Variants in IL12RB1 observed in about 807,000 individuals in gnomAD.
The protein encoded by IL12RB1 is interleukin 12 receptor subunit beta 1, also known as interleukin-12 receptor subunit beta-1.
In IL12RB1, 64 loss-of-function variants were observed where a neutral mutation model predicts 94.4. The ratio of observed to expected loss-of-function variants is 0.68; its 90% CI spans 0.55 to 0.83. The LOEUF is 0.83. Ranked by LOEUF, IL12RB1 falls within the 40% of genes least tolerant of loss-of-function variation. The probability of loss-of-function intolerance (pLI) is 0.00; values close to 1 mark genes in which losing one functional copy is unlikely to be tolerated. For missense variants in IL12RB1, 814 were observed against 855.6 expected, an observed-to-expected ratio of 0.95 and a Z score of 0.61; for synonymous variants, 362 against 355.5, an observed-to-expected ratio of 1.02 and a Z score of -0.21.
chr19:18,083,491 G>A lies in IL12RB1; in HGVS notation c.65C>T (p.Ala22Val). 2 of 1,613,782 alleles carry A rather than the reference G, an allele frequency of 1.2e-6. No individual in the cohort carries two copies. Among genetic ancestry groups the A allele is most frequent in the South Asian group, 2.2e-5 (2 of 91,076 alleles). ...ACAGCACTCACTGGTTCTGCAGGCA[G>A]CTGCAAAGGCAATGAAGACATAATG... ...LFLFLLSRQG[A>V]ACRTSECCFQ... Residue 22 changes from alanine (A) to valine (V), a missense_variant and splice_region_variant, in exon 2 of 17, where the codon GCT becomes GTT. Physicochemically the swap from Ala to Val is moderately conservative, Grantham distance 64. Transcript: ENST00000593993.
upstream of IL12RB1, among the ~76,000 whole-genome samples, chr19:18,088,388 A>AATATATATATATATATAT (rs372635550): frequency 9.2e-6 from 1 of 108,516 alleles, no homozygotes; most frequent in African/African-American, 3.5e-5. Context: ...TCCATCTCAA[A>AATATATATATATATATAT]ATATATATAT....
At chr19:18,095,203 T>A (rs2036834535) in intron 1 of IL12RB1, among the ~76,000 whole-genome samples, 1 of 151,868 alleles carries the variant, frequency 6.6e-6, no homozygotes, top group South Asian at 2.1e-4. Context: ...AAGAAATAAA[T>A]CTATGCAAAA....
intron 1 of IL12RB1, among the ~76,000 whole-genome samples, chr19:18,083,908 CACCCATCT>C: frequency 6.6e-6 from 1 of 151,264 alleles, no homozygotes; most frequent in African/African-American, 2.4e-5. Flanking sequence ...TTCATCCATC[CACCCATCT>C]ATCCATCCAT....
intron 1 of IL12RB1, among the ~76,000 whole-genome samples, chr19:18,094,530 G>A (rs900556717): frequency 2.9e-4 from 44 of 152,316 alleles, no homozygotes; most frequent in African/African-American, 9.6e-4. Flanking sequence ...TTAACTGGGT[G>A]TTTGCTTTGG....
At position 18,059,542 on chromosome 19, in the gene IL12RB1, A is replaced by C. The variant is rs982256803; in HGVS notation, c.*66T>G. 7.8e-6 allele frequency: 6 copies of C among 772,086 alleles called. No homozygotes were observed. In the African/African-American group the frequency reaches 1.0e-4, roughly 13 times the overall value. 47.8% of individuals were successfully genotyped at this position (772,086 alleles called of 1,614,324 possible). On this transcript the variant is annotated 3_prime_UTR_variant, in exon 17 of 17. Transcript: ENST00000593993. ...GAGGAGCTCTGGGTTATTTGGGTCC[A>C]AATGTGACTCCTGTGTGTGCTACGT...
upstream of IL12RB1, chr19:18,087,051 G>A: frequency 1.2e-6 from 1 of 852,062 alleles, no homozygotes; most frequent in East Asian, 2.7e-5. Flanking sequence ...GGCGGCCACA[G>A]ACTCTGGAGC....
At chr19:18,097,826 C>T in intron 1 of IL12RB1, 1 of 1,228,418 alleles carries the variant, frequency 8.1e-7, no homozygotes, top group Non-Finnish European at 1.0e-6. Flanking sequence ...GCGCCGCGGG[C>T]TCCAGGTGAG....
intron 16 of IL12RB1, 31 bp downstream of exon 16, chr19:18,059,863 C>A (rs776461067): frequency 7.4e-7 from 1 of 1,351,356 alleles, no homozygotes; most frequent in Non-Finnish European, 1.0e-6. Flanking sequence ...GGGTTGCACC[C>A]CTGACCGTCT....
intron 12 of IL12RB1, 104 bp downstream of exon 12, chr19:18,066,438 G>A (rs2034586396): frequency 1.3e-6 from 1 of 779,050 alleles, no homozygotes; most frequent in Middle Eastern, 2.6e-4. Context: ...TGATAACCAA[G>A]GCCCAGAGAA....
Position 18,076,326 on chromosome 19 carries a change from C to A in IL12RB1, c.551G>T (p.Gly184Val). 1 of 1,406,988 alleles carries A rather than the reference C, an allele frequency of 7.1e-7. No homozygotes were observed. Among genetic ancestry groups the A allele is most frequent in the Non-Finnish European group, 1.0e-6 (1 of 990,974 alleles). 87.2% of individuals were successfully genotyped at this position (1,406,988 alleles called of 1,614,324 possible). Residue 184 changes from glycine (G) to valine (V), a missense_variant and splice_region_variant, in exon 6 of 17, where the codon GGC (glycine) becomes GTC (valine). Transcript: ENST00000593993. ...HRTPSSPWKL[G>V]DCGPQDDDTE... Reference sequence around the variant, plus strand: ...ATCATCATCCTGAGGTCCGCAGTCGCCCTAGAATAAAAACATATTCATATA... The same window carrying A: ...ATCATCATCCTGAGGTCCGCAGTCGACCTAGAATAAAAACATATTCATATA...
intron 1 of IL12RB1, among the ~76,000 whole-genome samples, chr19:18,085,940 G>A (rs957856076): frequency 6.6e-6 from 1 of 151,948 alleles, no homozygotes; most frequent in East Asian, 1.9e-4. Context: ...GGAAGGCTGG[G>A]CATGGTGGCT....
At chr19:18,078,801 T>C (rs2035669462) in intron 4 of IL12RB1, among the ~76,000 whole-genome samples, 1 of 152,128 alleles carries the variant, frequency 6.6e-6, no homozygotes, top group South Asian at 2.1e-4. Flanking sequence ...TGCTGCACCG[T>C]GGTCATACCC....
At position 18,079,233 on chromosome 19, in the gene IL12RB1, A is replaced by G. The variant is rs141947872; in HGVS notation, c.410-1578T>C. Among the ~76,000 whole-genome samples the G allele has an allele frequency of 9.3e-3, 1,404 of 151,418 alleles. 28 individuals carry two copies. The highest frequency in any genetic ancestry group is 0.032 in the African/African-American group (1,325 of 41,230). On this transcript the variant is annotated intron_variant, in intron 4 of 16. Coordinates refer to ENST00000593993, the MANE Select transcript of IL12RB1 (RefSeq NM_005535.3). ...ATTCTCCTGCCTCAGCATCCCGAGT[A>G]GCTGGAATTACAGGCGCCCGCCACC...
At chr19:18,088,408 T>TATATATATATATATATATA (rs1555788630), upstream of IL12RB1, among the ~76,000 whole-genome samples, 3 of 145,650 alleles carry the variant, frequency 2.1e-5, no homozygotes, top group Admixed American at 6.8e-5. Context: ...TATATATAAA[T>TATATATATATATATATATA]TAAAAGTTAG....
At chr19:18,061,414 A>G (rs1291208081) in intron 14 of IL12RB1, among the ~76,000 whole-genome samples, 5 of 152,068 alleles carry the variant, frequency 3.3e-5, no homozygotes, top group African/African-American at 1.2e-4. Flanking sequence ...TAGTTTTGGT[A>G]GAGAGAGGTT....
intron 12 of IL12RB1, among the ~76,000 whole-genome samples, chr19:18,065,138 G>C (rs924162993): frequency 2.0e-5 from 3 of 152,130 alleles, no homozygotes; most frequent in Non-Finnish European, 4.4e-5. Context: ...TGCTCTACAC[G>C]GCCACTTCAG....
chr19:18,091,988 TG>T (rs2036651615), upstream of IL12RB1, among the ~76,000 whole-genome samples: 1 of 151,008 alleles, frequency 6.6e-6, no homozygotes, highest in Non-Finnish European at 1.5e-5. Flanking sequence ...GCAATTCTCC[TG>T]CCTCAGCCTC....
chr19:18,064,069 T>A (rs1337735906), intron 12 of IL12RB1, 59 bp from the exon 13 acceptor site: 2 of 1,312,452 alleles, frequency 1.5e-6, no homozygotes, highest in East Asian at 4.7e-5. Context: ...GAGGCCAGGC[T>A]GGGCTACCAC....
At position 18,077,470 on chromosome 19, in the gene IL12RB1, C is replaced by A. The variant is rs150931525; in HGVS notation, c.549+46G>T. On this transcript the variant is annotated intron_variant, in intron 5 of 16. Coordinates refer to ENST00000593993, the MANE Select transcript of IL12RB1 (RefSeq NM_005535.3). Reference sequence around the variant, plus strand: ...TGAGACTGATTTGGGGGTGAAGGTGCCCTGGAGAGGCCCGTGTCCACCCTG... The same window carrying A: ...TGAGACTGATTTGGGGGTGAAGGTGACCTGGAGAGGCCCGTGTCCACCCTG... 753 of 1,494,566 alleles carry A rather than the reference C, an allele frequency of 5.0e-4. 10 individuals carry two copies. The East Asian group carries it at 0.016, about 32-fold the overall frequency. 92.6% of individuals were successfully genotyped at this position (1,494,566 alleles called of 1,614,324 possible).
Sources: gnomAD v4.1 joint callset for allele counts (sites outside exome capture counted in the v4.1 genomes callset) on GRCh38, gnomAD v4.1.1 for gene constraint, MANE v1.5 for transcripts, NCBI Gene and HGNC (gene_info 2026-07-23, HGNC 2026-07-21) for gene names.